The following DOP1B variants were observed in gnomAD, a reference collection of about 807,000 sequenced individuals.
DOP1B encodes the protein protein DOP1B.
In DOP1B, 174 loss-of-function variants were observed where a neutral mutation model predicts 233.5. The observed-to-expected ratio is 0.75, with a 90% CI of 0.66 to 0.85. DOP1B has a LOEUF of 0.85. Among genes scored for constraint, DOP1B ranks in the 40% least tolerant of loss-of-function variants. DOP1B has a pLI of 0.00. For missense variants in DOP1B, 2,652 were observed against 2,846.6 expected, an observed-to-expected ratio of 0.93 and a Z score of 1.56; for synonymous variants, 1,190 against 1,185.6, an observed-to-expected ratio of 1.00 and a Z score of -0.08.
chr21:36,270,316 A>G lies in DOP1B; in HGVS notation c.5632+159A>G, dbSNP rs549244605. Among the ~76,000 whole-genome samples the G allele has an allele frequency of 1.9e-3, 288 of 148,950 alleles. 2 individuals carry two copies. The highest frequency in any genetic ancestry group is 6.9e-3 in the African/African-American group (276 of 39,894). The stretch of plus-strand genomic sequence containing the variant: ...GCCTGTAATCCCAGCACTTTGGGAG[A>G]CCGAGATGGGCAGATAAAGCAAGGT... On this transcript the variant is annotated intron_variant, in intron 27 of 36. Coordinates refer to ENST00000691173, the MANE Select transcript of DOP1B (RefSeq NM_001320714.2).
At position 36,178,253 on chromosome 21, in the gene DOP1B, G is replaced by A. The variant is rs190552470; in HGVS notation, c.138+13382G>A. Among the ~76,000 whole-genome samples, 14 of 152,296 alleles carry A rather than the reference G, an allele frequency of 9.2e-5. No individual in the cohort carries two copies. The East Asian group carries it at 2.5e-3, about 27-fold the overall frequency. Reference sequence around the variant, plus strand: ...CACTTGTACTCTCAGGACTTTGGGAGGCTAAGGCAGGTGGATCACTTGAGC... The same window carrying A: ...CACTTGTACTCTCAGGACTTTGGGAAGCTAAGGCAGGTGGATCACTTGAGC... On this transcript the variant is annotated intron_variant, in intron 2 of 36. Transcript: ENST00000691173.
At chr21:36,193,743 G>A (rs2066259089) in intron 2 of DOP1B, among the ~76,000 whole-genome samples, 1 of 152,120 alleles carries the variant, frequency 6.6e-6, no homozygotes, top group Admixed American at 6.6e-5. Flanking sequence ...TGGAATTGCG[G>A]GGAGCCCGAG....
chr21:36,233,176 A>G, intron 15 of DOP1B, 101 bp downstream of exon 15: 1 of 1,428,740 alleles, frequency 7.0e-7, no homozygotes, highest in Non-Finnish European at 9.4e-7. Flanking sequence ...CACTTCTCTG[A>G]GAGTGATATT....
chr21:36,271,641 T>A (rs531435687), intron 27 of DOP1B, among the ~76,000 whole-genome samples: 1 of 151,998 alleles, frequency 6.6e-6, no homozygotes, highest in Non-Finnish European at 1.5e-5. Context: ...ACATACTATG[T>A]GTGTGTGCTA....
intron 23 of DOP1B, 84 bp from the exon 24 acceptor site, chr21:36,260,593 A>G (rs2067159009): frequency 1.3e-6 from 2 of 1,578,668 alleles, no homozygotes; most frequent in African/African-American, 1.4e-5. Flanking sequence ...TTGTTAGGCT[A>G]TAGATCTGTT....
chr21:36,211,934 T>C (rs200630279), intron 6 of DOP1B, 40 bp from the exon 7 acceptor site: 11 of 1,613,204 alleles, frequency 6.8e-6, no homozygotes, highest in Non-Finnish European at 9.3e-6. Context: ...CAATCTGCCC[T>C]ATCATTCCCT....
chr21:36,235,564 A>T (rs1360059894), intron 15 of DOP1B, among the ~76,000 whole-genome samples: 1 of 151,986 alleles, frequency 6.6e-6, no homozygotes, highest in African/African-American at 2.4e-5. Flanking sequence ...TGTCTAAAAA[A>T]AAAAAATACA....
At chr21:36,241,693 C>CTTTTT (rs58454212) in intron 18 of DOP1B, among the ~76,000 whole-genome samples, 6 of 105,524 alleles carry the variant, frequency 5.7e-5, no homozygotes, top group Non-Finnish European at 9.2e-5. Context: ...TTCTTTCTTT[C>CTTTTT]TTTTTTTTTT....
At chr21:36,175,582 C>T (rs1382237772) in intron 2 of DOP1B, among the ~76,000 whole-genome samples, 1 of 151,806 alleles carries the variant, frequency 6.6e-6, no homozygotes, top group Non-Finnish European at 1.5e-5. Flanking sequence ...CACTTGAGGT[C>T]AGGAGTTCAA....
intron 22 of DOP1B, among the ~76,000 whole-genome samples, chr21:36,252,322 G>A (rs373213115): frequency 1.4e-4 from 22 of 151,852 alleles, no homozygotes; most frequent in African/African-American, 5.1e-4. Context: ...GCTGGGCATG[G>A]TGGTATGCGC....
chr21:36,169,124 A>G (rs2065945171), intron 2 of DOP1B: 1 of 896,222 alleles, frequency 1.1e-6, no homozygotes, highest in Non-Finnish European at 1.8e-6. Flanking sequence ...TCTGGTCTGC[A>G]CCAGCAAAGA....
chr21:36,187,270 G>T (rs978844488), intron 2 of DOP1B, among the ~76,000 whole-genome samples: 2 of 99,008 alleles, frequency 2.0e-5, no homozygotes, highest in African/African-American at 4.1e-5. Flanking sequence ...CCCATTCATC[G>T]TCTGTGGGGA....
intron 2 of DOP1B, among the ~76,000 whole-genome samples, chr21:36,180,241 T>C (rs1276217720): frequency 6.6e-6 from 1 of 152,186 alleles, no homozygotes; most frequent in East Asian, 1.9e-4. Flanking sequence ...GGCCCTTCCA[T>C]ATAGAAATGT....
At position 36,281,535 on chromosome 21, in the gene DOP1B, G is replaced by T. The variant is rs753129747; in HGVS notation, c.6084G>T (p.Met2028Ile). ...TCTCAAGTTTTGAACAGAAAGCCAT[G>T]CTGTTAAAGCGCCAGGCTTTTGCTG... The part of the protein sequence containing the change: ...KLFSSFEQKA[M>I]LLKRQAFAVF... Residue 2028 changes from methionine to isoleucine, a missense_variant, in exon 32 of 37, where the codon ATG (methionine) becomes ATT (isoleucine). This residue lies in a region of DOP1B where 2,617 missense variants were observed against 2,794.3 expected (regional missense o/e 0.94). Coordinates refer to ENST00000691173, the MANE Select transcript of DOP1B (RefSeq NM_001320714.2). 4 of 1,610,198 alleles carry T rather than the reference G, an allele frequency of 2.5e-6. No individual in the cohort carries two copies. The South Asian group carries it at 4.4e-5, about 18-fold the overall frequency.
chr21:36,210,876 A>G (rs1038776100), intron 5 of DOP1B, among the ~76,000 whole-genome samples: 1 of 152,184 alleles, frequency 6.6e-6, no homozygotes, highest in African/African-American at 2.4e-5. Context: ...CAAGCTCAAG[A>G]GCATTCTAAC....
intron 18 of DOP1B, 83 bp from the exon 19 acceptor site, chr21:36,244,965 C>A: frequency 7.2e-7 from 1 of 1,397,466 alleles, no homozygotes; most frequent in Non-Finnish European, 9.7e-7. Flanking sequence ...TTCTGTCTGG[C>A]TTTAAGACAA....
intron 2 of DOP1B, among the ~76,000 whole-genome samples, chr21:36,181,282 CT>C (rs746169081): frequency 2.9e-3 from 416 of 143,622 alleles, no homozygotes; most frequent in Admixed American, 2.9e-3. Context: ...ACTCTGTCTT[CT>C]TTTTTTTTTT....
At position 36,288,794 on chromosome 21, in the gene DOP1B, T is replaced by G. The variant is rs1319785986; in HGVS notation, c.6336T>G (p.Asp2112Glu). Residue 2112 changes from aspartate to glutamate, a missense_variant, in exon 34 of 37, where the codon GAT (aspartate) becomes GAG (glutamate). Asp to Glu is a conservative substitution (Grantham distance 45). This residue lies in a region of DOP1B where 2,617 missense variants were observed against 2,794.3 expected (regional missense o/e 0.94). Transcript: ENST00000691173. ...CACAGCTTGAAGAAGATCTAAAAGA[T>G]GAAGATGAGTCATTGAGGTAAGCAG... is the stretch of plus-strand genomic sequence containing the variant. ...TFTQLEEDLK[D>E]EDESLRSTNK... 6.2e-7 allele frequency: 1 copy of G among 1,613,334 alleles called. No individual in the cohort carries two copies. The highest frequency in any genetic ancestry group is 8.5e-7 in the Non-Finnish European group (1 of 1,179,576).
chr21:36,205,385 GTTTGTT>G (rs2066415634), intron 4 of DOP1B, among the ~76,000 whole-genome samples: 1 of 151,640 alleles, frequency 6.6e-6, no homozygotes, highest in African/African-American at 2.4e-5. Flanking sequence ...TTGGTTTTTT[GTTTGTT>G]TTTGTTTTGT....
Sources: gnomAD v4.1 joint callset for allele counts (sites outside exome capture counted in the v4.1 genomes callset) on GRCh38, gnomAD v4.1.1 for gene constraint, gnomAD v4.1.1 regional missense constraint, MANE v1.5 for transcripts, NCBI Gene and HGNC (gene_info 2026-07-23, HGNC 2026-07-21) for gene names.